Variants in HELQ observed in about 807,000 individuals in gnomAD.
HELQ encodes helicase POLQ-like.
A neutral mutation model predicts 111.6 loss-of-function variants in HELQ; 77 were observed. The ratio of observed to expected loss-of-function variants is 0.69; its 90% CI spans 0.57 to 0.83. The LOEUF (loss-of-function observed/expected upper bound fraction) is 0.83, where lower values mean the gene tolerates loss of function less well. HELQ is among the 40% of genes least tolerant of loss of function. The pLI is 0.00. For synonymous variants in HELQ, 438 were observed against 454.7 expected, an observed-to-expected ratio of 0.96 and a Z score of 0.47; for missense variants, 1,200 against 1,288.5, an observed-to-expected ratio of 0.93 and a Z score of 1.05.
intron 8 of HELQ, among the ~76,000 whole-genome samples, chr4:83,439,307 C>T (rs761089662): frequency 4.7e-5 from 7 of 150,522 alleles, no homozygotes; most frequent in African/African-American, 9.9e-5. Flanking sequence ...CCTCATGATC[C>T]GCACACCTTG....
Position 83,455,689 on chromosome 4 carries a change from T to C in HELQ, c.5A>G (p.Asp2Gly), listed in dbSNP as rs748123074. 33 of 1,605,612 alleles carry C rather than the reference T, an allele frequency of 2.1e-5. No individual in the cohort carries two copies. The highest frequency in any genetic ancestry group is 2.8e-5 in the Non-Finnish European group (33 of 1,179,722). Reference protein sequence around the residue: MDECGSRIRRRV... With the variant: MGECGSRIRRRV... ...CCGGCGGATGCGGGAACCACATTCA[T>C]CCATGGCAAGGACCCAGGGCCCTAT... Residue 2 changes from aspartate to glycine, a missense_variant, in exon 1 of 18, where the codon GAT becomes GGT. Around this residue, in one of 3 missense-constraint regions of HELQ, gnomAD observed 610 missense variants for 607.1 expected, o/e 1.00. Coordinates refer to ENST00000295488, the MANE Select transcript of HELQ (RefSeq NM_133636.5).
At position 83,419,724 on chromosome 4, in the gene HELQ, T is replaced by C. The variant is rs1189822190; in HGVS notation, c.2950-1518A>G. The stretch of plus-strand genomic sequence containing the variant: ...AACAAATATAGAAGACTTAAGAAAA[T>C]ACATTTTAAAGGCTAGCTTCTTCTT... On this transcript the variant is annotated intron_variant, in intron 15 of 17. Coordinates refer to ENST00000295488, the MANE Select transcript of HELQ (RefSeq NM_133636.5). Among the ~76,000 whole-genome samples the C allele has an allele frequency of 2.0e-5, 3 of 151,950 alleles. No individual in the cohort carries two copies. In the East Asian group the frequency reaches 5.8e-4, roughly 29 times the overall value.
At chr4:83,446,753 C>G (rs1371040783) in intron 4 of HELQ, 82 bp downstream of exon 4, 3 of 801,410 alleles carry the variant, frequency 3.7e-6, no homozygotes, top group African/African-American at 1.8e-5. Flanking sequence ...TACTAAGGTA[C>G]TAAGTAGATC....
chr4:83,426,943 A>G (rs960602128), intron 13 of HELQ, among the ~76,000 whole-genome samples: 1 of 152,232 alleles, frequency 6.6e-6, no homozygotes, highest in African/African-American at 2.4e-5. Context: ...CTTTATAATA[A>G]GTATGGACAG....
At chr4:83,454,175 C>T (rs1721587009) in intron 1 of HELQ, among the ~76,000 whole-genome samples, 1 of 152,128 alleles carries the variant, frequency 6.6e-6, no homozygotes, top group Admixed American at 6.5e-5. Flanking sequence ...TGCACTCCAA[C>T]CTGGGCAACA....
intron 8 of HELQ, among the ~76,000 whole-genome samples, chr4:83,438,062 C>A (rs1430590385): frequency 2.0e-5 from 3 of 151,920 alleles, no homozygotes; most frequent in Non-Finnish European, 4.4e-5. Context: ...AGACTGTTAC[C>A]AAAATGAGCA....
chr4:83,455,837 C>T (rs1352930341), upstream of HELQ: 2 of 845,682 alleles, frequency 2.4e-6, no homozygotes, highest in African/African-American at 1.7e-5. Flanking sequence ...GCTCGCGGAC[C>T]GGAAGCACGC....
At chr4:83,441,463 T>C (rs1720751762) in intron 6 of HELQ, 60 bp from the exon 7 acceptor site, 1 of 771,722 alleles carries the variant, frequency 1.3e-6, no homozygotes, top group Non-Finnish European at 2.1e-6. Flanking sequence ...TCCAGTGTTT[T>C]AAATATTGTA....
intron 14 of HELQ, 46 bp downstream of exon 14, chr4:83,425,948 G>A (rs1054908567): frequency 4.1e-6 from 4 of 975,860 alleles, no homozygotes; most frequent in Non-Finnish European, 6.5e-6. Flanking sequence ...AGTGAACTAA[G>A]TGTTGAGTGA....
At chr4:83,447,499 G>A (rs1034798791) in intron 3 of HELQ, among the ~76,000 whole-genome samples, 2 of 152,108 alleles carry the variant, frequency 1.3e-5, no homozygotes, top group South Asian at 4.1e-4. Flanking sequence ...GTAATGTCTC[G>A]ATCTTTGCAA....
chr4:83,429,482 A>C (rs1720027106), intron 12 of HELQ, 42 bp downstream of exon 12: 1 of 1,340,552 alleles, frequency 7.5e-7, no homozygotes, highest in Non-Finnish European at 1.0e-6. Flanking sequence ...CATTTTTTCC[A>C]ATGTGTTTCC....
intron 2 of HELQ, 131 bp downstream of exon 2, chr4:83,453,100 A>G: frequency 1.6e-6 from 1 of 620,626 alleles, no homozygotes; most frequent in Non-Finnish European, 2.8e-6. Flanking sequence ...GAAGGGGCTG[A>G]GAGATCACTG....
intron 17 of HELQ, among the ~76,000 whole-genome samples, chr4:83,414,098 CA>C (rs769885751): frequency 4.6e-5 from 7 of 152,188 alleles, no homozygotes; most frequent in Non-Finnish European, 1.0e-4. Flanking sequence ...TTAGGGTTAT[CA>C]GTATGAGCTC....
At chr4:83,407,958 G>A (rs1195176938) in intron 17 of HELQ, among the ~76,000 whole-genome samples, 1 of 152,010 alleles carries the variant, frequency 6.6e-6, no homozygotes, top group Non-Finnish European at 1.5e-5. Flanking sequence ...AATTTAGTAT[G>A]CTTTAAAAAG....
At chr4:83,427,765 G>A (rs1288157985) in intron 12 of HELQ, 45 bp from the exon 13 acceptor site, 2 of 1,346,496 alleles carry the variant, frequency 1.5e-6, no homozygotes, top group South Asian at 3.4e-5. Context: ...ATTACCAGAG[G>A]GGCAAAGAGA....
At chr4:83,444,167 A>G (rs1357079042) in intron 5 of HELQ, among the ~76,000 whole-genome samples, 1 of 152,222 alleles carries the variant, frequency 6.6e-6, no homozygotes, top group Non-Finnish European at 1.5e-5. Context: ...GGCAAGAACT[A>G]GGATATTAAG....
chr4:83,444,665 T>A (rs1336315920), intron 5 of HELQ, among the ~76,000 whole-genome samples: 1 of 152,226 alleles, frequency 6.6e-6, no homozygotes, highest in Non-Finnish European at 1.5e-5. Context: ...AAATGTTTCT[T>A]CATTGCTCCT....
chr4:83,409,409 C>A (rs1024286770), intron 17 of HELQ, among the ~76,000 whole-genome samples: 1 of 151,986 alleles, frequency 6.6e-6, no homozygotes, highest in East Asian at 1.9e-4. Flanking sequence ...AAAAATTTAG[C>A]CAGGCAAGGT....
chr4:83,412,610 G>A (rs1414772372), intron 17 of HELQ, among the ~76,000 whole-genome samples: 1 of 152,214 alleles, frequency 6.6e-6, no homozygotes, highest in Non-Finnish European at 1.5e-5. Context: ...AGGATTGCTT[G>A]AGGCCCGGAG....
Sources: gnomAD v4.1 joint callset for allele counts (sites outside exome capture counted in the v4.1 genomes callset) on GRCh38, gnomAD v4.1.1 for gene constraint, gnomAD v4.1.1 regional missense constraint, MANE v1.5 for transcripts, NCBI Gene and HGNC (gene_info 2026-07-23, HGNC 2026-07-21) for gene names.